CACNA1B: variants seen among roughly 807,000 people sequenced by gnomAD.
CACNA1B encodes calcium voltage-gated channel subunit alpha1 B.
In CACNA1B, 70 loss-of-function variants were observed where a neutral mutation model predicts 247.2. That is an observed-to-expected ratio of 0.28 (90% CI 0.23 to 0.35). The LOEUF is 0.35. CACNA1B is among the 10% of genes least tolerant of loss of function. CACNA1B has a pLI of 1.00. For synonymous variants in CACNA1B, 1,231 were observed against 1,294.4 expected, an observed-to-expected ratio of 0.95 and a Z score of 1.05; for missense variants, 2,367 against 3,197.4, an observed-to-expected ratio of 0.74 and a Z score of 6.26.
chr9:137,991,262 C>T (rs971802582), intron 15 of CACNA1B, among the ~76,000 whole-genome samples: 2 of 152,324 alleles, frequency 1.3e-5, no homozygotes, highest in East Asian at 3.9e-4. Context: ...AAATCAGGGA[C>T]ACACTTAGAG....
intron 15 of CACNA1B, among the ~76,000 whole-genome samples, chr9:137,992,757 A>G (rs1453342714): frequency 6.6e-6 from 1 of 151,216 alleles, no homozygotes; most frequent in Non-Finnish European, 1.5e-5. Context: ...AGATCCGGCC[A>G]CTGCACTCCA....
chr9:137,944,644 G>T (rs984141247), intron 6 of CACNA1B, among the ~76,000 whole-genome samples: 1 of 152,152 alleles, frequency 6.6e-6, no homozygotes, highest in Non-Finnish European at 1.5e-5. Context: ...GTCAAAGTTT[G>T]GGACCCATCT....
Position 137,900,384 on chromosome 9 carries a change from G to A in CACNA1B, c.531-12796G>A, listed in dbSNP as rs113789350. Among the ~76,000 whole-genome samples, 93 of 152,168 alleles carry A rather than the reference G, an allele frequency of 6.1e-4. 2 individuals carry two copies. The highest frequency in any genetic ancestry group is 2.1e-3 in the African/African-American group (86 of 41,422). ...TCCCCGACCTTGGGTGCCAGAGTGA[G>A]GGCGGGTCTTTACATGTGTGACTGC... On this transcript the variant is annotated intron_variant, in intron 3 of 46. Coordinates refer to ENST00000371372, the MANE Select transcript of CACNA1B (RefSeq NM_000718.4).
chr9:138,112,398 C>T lies in CACNA1B; in HGVS notation c.5429C>T (p.Ala1810Val). ...CTTCCCCACCATCATCCTGGTGCAG[C>T]TGGGACAAAGCAGCATCAGTGTGAC... ...RTALEIKLAPAGTKQHQCDAE... is the reference protein window; with the variant it reads ...RTALEIKLAPVGTKQHQCDAE... The change falls in exon 40 of 47, where the codon GCT (alanine) becomes GTT (valine). Residue 1810 changes from alanine (A) to valine (V), a missense_variant and splice_region_variant. Ala to Val is a moderately conservative substitution (Grantham distance 64). This residue lies in a region of CACNA1B where 773 missense variants were observed against 779.4 expected (regional missense o/e 0.99). Coordinates refer to ENST00000371372, the MANE Select transcript of CACNA1B (RefSeq NM_000718.4). 1 of 1,610,218 alleles carries T rather than the reference C, an allele frequency of 6.2e-7. No individual in the cohort carries two copies. The highest frequency in any genetic ancestry group is 8.5e-7 in the Non-Finnish European group (1 of 1,176,398).
intron 31 of CACNA1B, 24 bp from the exon 32 acceptor site, chr9:138,069,734 C>T (rs1199201236): frequency 1.3e-6 from 2 of 1,591,776 alleles, no homozygotes; most frequent in South Asian, 2.2e-5. Flanking sequence ...TGCAAATATC[C>T]ATCCATGAAA....
rs200003941 is a variant in CACNA1B, at chr9:138,052,058, C to G, written c.3711-34C>G. The G allele has an allele frequency of 3.1e-6, 4 of 1,296,406 alleles. No homozygotes were observed. The highest frequency in any genetic ancestry group is 3.3e-6 in the Non-Finnish European group (3 of 896,266). 80.3% of individuals were successfully genotyped at this position (1,296,406 alleles called of 1,614,324 possible). On this transcript the variant is annotated intron_variant, in intron 24 of 46. Transcript: ENST00000371372. The surrounding 1 kb of genome is among the most constrained non-coding windows in gnomAD (Gnocchi z 5.1). The stretch of plus-strand genomic sequence containing the variant: ...TGGGAGCTGGGCACACCCATGCCTC[C>G]TGCCTGTCTGCATCTGTGGCTTCTC...
chr9:137,913,103 G>A lies in CACNA1B; in HGVS notation c.531-77G>A, dbSNP rs972234940. ...CACTGCTCTTGGGAGACATGACCCTGGTGGTGGGAGGAGTGTGTCCTCTTC... is the reference window on the plus strand; with the variant it reads ...CACTGCTCTTGGGAGACATGACCCTAGTGGTGGGAGGAGTGTGTCCTCTTC... On this transcript the variant is annotated intron_variant, in intron 3 of 46. Transcript: ENST00000371372. This position sits in a 1 kb window ranked among gnomAD's most constrained non-coding sequence, Gnocchi z 5.2. 2 of 1,117,070 alleles carry A rather than the reference G, an allele frequency of 1.8e-6. No individual in the cohort carries two copies. Among genetic ancestry groups the A allele is most frequent in the Non-Finnish European group, 2.7e-6 (2 of 743,172 alleles). The allele number at this position is 1,117,070 out of a possible 1,614,324, so 69.2% of individuals were successfully genotyped here.
intron 10 of CACNA1B, among the ~76,000 whole-genome samples, chr9:137,967,294 C>G (rs1473491314): frequency 6.6e-6 from 1 of 152,174 alleles, no homozygotes; most frequent in Non-Finnish European, 1.5e-5. Flanking sequence ...TCTGCCTCCA[C>G]CCATACCCAG....
rs1957870220 is a variant in CACNA1B at position 137,950,884 on chromosome 9, A to G, written c.967-1390A>G. Reference sequence around the variant, plus strand: ...ATGTTAATTCCACCTAGTGGGAACAATATGGCAGAGTATGTCTGCTCCATC... The same window carrying G: ...ATGTTAATTCCACCTAGTGGGAACAGTATGGCAGAGTATGTCTGCTCCATC... On this transcript the variant is annotated intron_variant, in intron 6 of 46. Coordinates refer to ENST00000371372, the MANE Select transcript of CACNA1B (RefSeq NM_000718.4). The surrounding 1 kb of genome is among the most constrained non-coding windows in gnomAD (Gnocchi z 4.8). 6.6e-6 allele frequency among the ~76,000 whole-genome samples: 1 copy of G among 152,210 alleles called. No homozygotes were observed. The highest frequency in any genetic ancestry group is 6.5e-5 in the Admixed American group (1 of 15,278).
chr9:137,896,156 G>A (rs1055681492), intron 3 of CACNA1B, among the ~76,000 whole-genome samples: 7 of 151,104 alleles, frequency 4.6e-5, no homozygotes, highest in African/African-American at 9.7e-5. Context: ...GGAGAATGGC[G>A]TGAACCTGGG....
rs1957103154 is a variant in CACNA1B at position 137,891,804 on chromosome 9, G to A, written c.530+8921G>A. On this transcript the variant is annotated intron_variant, in intron 3 of 46. Transcript: ENST00000371372. The surrounding 1 kb of genome is among the most constrained non-coding windows in gnomAD (Gnocchi z 4.3). Reference sequence around the variant, plus strand: ...TGTGTGCAGCCCCACACGTGCTGAAGCATCTCTACTCCAGCCAGACGGACG... The same window carrying A: ...TGTGTGCAGCCCCACACGTGCTGAAACATCTCTACTCCAGCCAGACGGACG... 1.4e-5 allele frequency: 5 copies of A among 350,972 alleles called. No homozygotes were observed. The highest frequency in any genetic ancestry group is 7.5e-5 in the East Asian group (1 of 13,324). The allele number at this position is 350,972 out of a possible 1,614,324, so 21.7% of individuals were successfully genotyped here. A position where few individuals can be genotyped will look rare whatever the true frequency, so the allele number is the denominator to read the frequency against.
At chr9:138,002,768 TTCTTC>T (rs1385489512) in intron 15 of CACNA1B, among the ~76,000 whole-genome samples, 1 of 151,524 alleles carries the variant, frequency 6.6e-6, no homozygotes, top group African/African-American at 2.4e-5. Context: ...GGAGAGAAAT[TTCTTC>T]TCTTTTCTTT....
At chr9:137,985,294 A>G (rs984644461) in intron 13 of CACNA1B, among the ~76,000 whole-genome samples, 3 of 152,200 alleles carry the variant, frequency 2.0e-5, no homozygotes, top group African/African-American at 7.2e-5. Context: ...CGCTGGGTCC[A>G]TGAATCCTCA....
chr9:137,960,805 A>G (rs1958012991), intron 10 of CACNA1B, among the ~76,000 whole-genome samples: 1 of 152,048 alleles, frequency 6.6e-6, no homozygotes, highest in Admixed American at 6.5e-5. Flanking sequence ...CTTCTGTGGT[A>G]TAAGGGTCTC....
Position 138,014,768 on chromosome 9 carries a change from C to T in CACNA1B, c.2267+1533C>T, listed in dbSNP as rs1958769492. ...GCGAGCACTTGTCCCTTGACCCCTG[C>T]TGCCTGCCGGCCCTGCCTCCTCCTG... On this transcript the variant is annotated intron_variant, in intron 18 of 46. Transcript: ENST00000371372. The surrounding 1 kb of genome is among the most constrained non-coding windows in gnomAD (Gnocchi z 6.2). Among the ~76,000 whole-genome samples, 1 of 152,014 alleles carries T rather than the reference C, an allele frequency of 6.6e-6. No homozygotes were observed. Among genetic ancestry groups the T allele is most frequent in the Admixed American group, 6.5e-5 (1 of 15,272 alleles).
chr9:138,014,605 G>A lies in CACNA1B; in HGVS notation c.2267+1370G>A, dbSNP rs1363281271. 2.0e-5 allele frequency among the ~76,000 whole-genome samples: 3 copies of A among 152,186 alleles called. No individual in the cohort carries two copies. The highest frequency in any genetic ancestry group is 4.4e-5 in the Non-Finnish European group (3 of 68,036). On this transcript the variant is annotated intron_variant, in intron 18 of 46. Coordinates refer to ENST00000371372, the MANE Select transcript of CACNA1B (RefSeq NM_000718.4). This position sits in a 1 kb window ranked among gnomAD's most constrained non-coding sequence, Gnocchi z 6.2. The stretch of plus-strand genomic sequence containing the variant: ...CACTTAGTTTGGTTACTTGGTCCAG[G>A]GGTTTGCTACCAGGGCTCTGTGAGC...
intron 10 of CACNA1B, among the ~76,000 whole-genome samples, chr9:137,964,054 G>A (rs1158285077): frequency 6.6e-6 from 1 of 152,170 alleles, no homozygotes; most frequent in Non-Finnish European, 1.5e-5. Flanking sequence ...TCCACTGAGA[G>A]GTCCACTGCT....
intron 20 of CACNA1B, among the ~76,000 whole-genome samples, chr9:138,042,772 G>A (rs1352748770): frequency 1.3e-5 from 2 of 152,130 alleles, no homozygotes; most frequent in South Asian, 2.1e-4. Context: ...TGCTCACCTC[G>A]AAGCTTTTTT....
At position 138,054,409 on chromosome 9, in the gene CACNA1B, A is replaced by G. The variant is rs1959416823; in HGVS notation, c.3968+403A>G. Among the ~76,000 whole-genome samples, 1 of 152,224 alleles carries G rather than the reference A, an allele frequency of 6.6e-6. No individual in the cohort carries two copies. The highest frequency in any genetic ancestry group is 1.5e-5 in the Non-Finnish European group (1 of 68,036). On this transcript the variant is annotated intron_variant, in intron 26 of 46. Coordinates refer to ENST00000371372, the MANE Select transcript of CACNA1B (RefSeq NM_000718.4). The surrounding 1 kb of genome is among the most constrained non-coding windows in gnomAD (Gnocchi z 4.6). ...GCTGTCACTGTCCACATGAGGCCTCAGAGCTTCCTGTGCCCAGCGCTGCCT... is the reference window on the plus strand; with the variant it reads ...GCTGTCACTGTCCACATGAGGCCTCGGAGCTTCCTGTGCCCAGCGCTGCCT...
Sources: gnomAD v4.1 joint callset for allele counts (sites outside exome capture counted in the v4.1 genomes callset) on GRCh38, gnomAD v4.1.1 for gene constraint, gnomAD v4.1.1 regional missense constraint, Gnocchi (gnomAD v3.1) non-coding constraint, MANE v1.5 for transcripts, NCBI Gene and HGNC (gene_info 2026-07-23, HGNC 2026-07-21) for gene names.